Variants in CACNA2D3 observed in about 807,000 individuals in gnomAD.
CACNA2D3 encodes voltage-dependent calcium channel subunit alpha-2/delta-3.
A neutral mutation model predicts 160.6 loss-of-function variants in CACNA2D3; 60 were observed. The observed-to-expected ratio is 0.37, with a 90% CI of 0.30 to 0.46. CACNA2D3 has a LOEUF of 0.46. CACNA2D3 is among the 20% of genes least tolerant of loss of function. CACNA2D3 has a pLI of 1.00. For synonymous variants in CACNA2D3, 558 were observed against 492.9 expected (o/e 1.13, Z -1.75); for missense variants, 1,205 against 1,365.0 (o/e 0.88, Z 1.85).
intron 2 of CACNA2D3, among the ~76,000 whole-genome samples, chr3:54,247,145 A>G (rs1322252368): frequency 6.6e-6 from 1 of 152,166 alleles, no homozygotes; most frequent in African/African-American, 2.4e-5. Flanking sequence ...AACCCTGTCT[A>G]CTAAAAATAC....
At chr3:54,918,355 TGTCTTTTG>T in intron 27 of CACNA2D3, 1 of 310,702 alleles carries the variant, frequency 3.2e-6, no homozygotes, top group Admixed American at 5.7e-5. Context: ...TTTTTTTTTT[TGTCTTTTG>T]GCAAAAGCAA....
chr3:54,506,267 A>G (rs1336126127), intron 5 of CACNA2D3, among the ~76,000 whole-genome samples: 2 of 152,160 alleles, frequency 1.3e-5, no homozygotes, highest in East Asian at 1.9e-4. Flanking sequence ...ACTCAAAACA[A>G]ATGCTCAGAG....
intron 5 of CACNA2D3, among the ~76,000 whole-genome samples, chr3:54,508,048 A>T (rs1701400464): frequency 6.6e-6 from 1 of 152,194 alleles, no homozygotes; most frequent in African/African-American, 2.4e-5. Flanking sequence ...GCAGGTGAGT[A>T]GGTACTGTAA....
chr3:54,591,344 T>C (rs547351769), intron 9 of CACNA2D3, among the ~76,000 whole-genome samples: 20 of 152,222 alleles, frequency 1.3e-4, no homozygotes, highest in African/African-American at 4.6e-4. Flanking sequence ...GGAGCCATGA[T>C]TGAATCTCAA....
chr3:54,665,746 G>A (rs1026330032), intron 11 of CACNA2D3, among the ~76,000 whole-genome samples: 2 of 151,696 alleles, frequency 1.3e-5, no homozygotes, highest in Non-Finnish European at 2.9e-5. Flanking sequence ...GGGTTGTAGC[G>A]ATGGGTGGGT....
At chr3:54,571,678 G>A (rs1702500855) in intron 8 of CACNA2D3, among the ~76,000 whole-genome samples, 2 of 132,006 alleles carry the variant, frequency 1.5e-5, no homozygotes, top group Admixed American at 1.5e-4. Flanking sequence ...TTATTCTTTT[G>A]CATGAAAATA....
intron 8 of CACNA2D3, among the ~76,000 whole-genome samples, chr3:54,580,104 T>C (rs1313713106): frequency 1.3e-5 from 2 of 152,044 alleles, no homozygotes; most frequent in African/African-American, 2.4e-5. Flanking sequence ...TCACTTACTC[T>C]CTGGTGTCTT....
At chr3:55,030,681 A>T (rs1179703718) in intron 35 of CACNA2D3, among the ~76,000 whole-genome samples, 1 of 152,142 alleles carries the variant, frequency 6.6e-6, no homozygotes, top group African/African-American at 2.4e-5. Context: ...AGTTCAATGA[A>T]GCATTTTACT....
chr3:54,793,803 G>A (rs1031155136), intron 13 of CACNA2D3, among the ~76,000 whole-genome samples: 4 of 152,126 alleles, frequency 2.6e-5, no homozygotes, highest in African/African-American at 9.7e-5. Flanking sequence ...TTAGATTGCT[G>A]TATTTCTTCT....
chr3:54,922,455 T>C (rs1239989404), intron 27 of CACNA2D3, among the ~76,000 whole-genome samples: 1 of 152,166 alleles, frequency 6.6e-6, no homozygotes, highest in Non-Finnish European at 1.5e-5. Flanking sequence ...ACAATTTTAT[T>C]TGTAACCTCT....
intron 11 of CACNA2D3, among the ~76,000 whole-genome samples, chr3:54,737,123 G>A (rs1701548795): frequency 6.6e-6 from 1 of 151,844 alleles, no homozygotes; most frequent in Admixed American, 6.6e-5. Context: ...TAGCAGTTGG[G>A]AAAACAACAG....
intron 11 of CACNA2D3, among the ~76,000 whole-genome samples, chr3:54,729,774 T>A (rs2107010203): frequency 6.6e-6 from 1 of 152,148 alleles, no homozygotes; most frequent in South Asian, 2.1e-4. Flanking sequence ...CCATGGTGGG[T>A]GGATCACGAG....
In CACNA2D3 at chr3:55,051,134, C is replaced by G. The variant is rs1461342359; in HGVS notation, c.2988-22311C>G. Among the ~76,000 whole-genome samples, 5 of 152,230 alleles carry G rather than the reference C, an allele frequency of 3.3e-5. No individual in the cohort carries two copies. In the East Asian group the frequency reaches 7.7e-4, roughly 24 times the overall value. ...AAGTCATTCTCCATCCAGCTTTGTTCCATTGCTGGTGAGGAACTGTGTTCC... is the reference window on the plus strand; with the variant it reads ...AAGTCATTCTCCATCCAGCTTTGTTGCATTGCTGGTGAGGAACTGTGTTCC... On this transcript the variant is annotated intron_variant, in intron 35 of 37. Transcript: ENST00000474759.
chr3:54,383,247 T>C (rs1182592324), intron 3 of CACNA2D3, among the ~76,000 whole-genome samples: 1 of 152,186 alleles, frequency 6.6e-6, no homozygotes, highest in African/African-American at 2.4e-5. Flanking sequence ...CTTTGTTCTT[T>C]CCACAAGACA....
At chr3:54,928,197 C>T (rs1701082605) in intron 27 of CACNA2D3, 2 of 454,414 alleles carry the variant, frequency 4.4e-6, no homozygotes, top group African/African-American at 2.0e-5. Context: ...AGGATCATCC[C>T]TGCCTTTCCC....
At chr3:54,235,715 T>C (rs1420131403) in intron 2 of CACNA2D3, among the ~76,000 whole-genome samples, 1 of 152,178 alleles carries the variant, frequency 6.6e-6, no homozygotes. Context: ...AAAGTGGTAT[T>C]AGATTGTAAC....
At chr3:54,791,630 G>A (rs983401463) in intron 13 of CACNA2D3, among the ~76,000 whole-genome samples, 1 of 152,072 alleles carries the variant, frequency 6.6e-6, no homozygotes, top group African/African-American at 2.4e-5. Flanking sequence ...TCAATTAAAA[G>A]GACATTATTG....
chr3:54,883,700 T>A (rs560162169), intron 21 of CACNA2D3, among the ~76,000 whole-genome samples: 7 of 151,932 alleles, frequency 4.6e-5, no homozygotes, highest in Non-Finnish European at 8.8e-5. Flanking sequence ...TTATTCCTTC[T>A]GCCATGAGCA....
At chr3:54,793,544 A>C (rs1305282971) in intron 13 of CACNA2D3, among the ~76,000 whole-genome samples, 2 of 152,232 alleles carry the variant, frequency 1.3e-5, no homozygotes, top group Non-Finnish European at 2.9e-5. Flanking sequence ...AGAGAGAGAC[A>C]GAGTAACGGG....
Sources: allele counts gnomAD v4.1 joint callset (sites outside exome capture counted in the v4.1 genomes callset), GRCh38; gene constraint gnomAD v4.1.1; transcripts MANE v1.5; gene names NCBI Gene and HGNC (gene_info 2026-07-23, HGNC 2026-07-21).